Variants in PCDHGA2 observed in about 807,000 individuals in gnomAD.
The protein encoded by PCDHGA2 is protocadherin gamma-A2.
A neutral mutation model predicts 59.2 loss-of-function variants in PCDHGA2; 40 were observed. That is an observed-to-expected ratio of 0.68 (90% CI 0.52 to 0.88). PCDHGA2 has a LOEUF of 0.88. Ranked by LOEUF, PCDHGA2 falls within the 40% of genes least tolerant of loss-of-function variation. The probability of loss-of-function intolerance (pLI) is 0.00; values close to 1 mark genes in which losing one functional copy is unlikely to be tolerated. For synonymous variants in PCDHGA2, 560 were observed against 526.0 expected (o/e 1.06, Z -0.89); for missense variants, 1,226 against 1,204.0 (o/e 1.02, Z -0.27).
intron 1 of PCDHGA2, among the ~76,000 whole-genome samples, chr5:141,462,203 G>A (rs544238255): frequency 2.6e-5 from 4 of 152,036 alleles, no homozygotes; most frequent in East Asian, 1.9e-4. Flanking sequence ...CAGGTGATCC[G>A]CCTGCCTCGG....
intron 1 of PCDHGA2, chr5:141,404,780 AAGGCCAGTGAGCC>A: frequency 6.2e-7 from 1 of 1,612,764 alleles, no homozygotes; most frequent in Non-Finnish European, 8.5e-7. Context: ...CCGCCTATTC[AAGGCCAGTGAGCC>A]AGGGCTCTTC....
chr5:141,449,584 G>C (rs2098645697), intron 1 of PCDHGA2, among the ~76,000 whole-genome samples: 1 of 123,190 alleles, frequency 8.1e-6, no homozygotes, highest in South Asian at 2.5e-4. Context: ...GCAAGACTCT[G>C]TCTCAAAAAA....
At position 141,512,116 on chromosome 5, in the gene PCDHGA2, T is replaced by TTA. The variant is rs2099884085; in HGVS notation, c.*943_*944insTA. On this transcript the variant is annotated 3_prime_UTR_variant, in exon 4 of 4. Coordinates refer to ENST00000394576, the MANE Select transcript of PCDHGA2 (RefSeq NM_018915.4). ...ACTAGGCTGGACCCTTCCCACTACA[T>TTA]AATAGGGCTCAGCCCAGGCAGCCAG... 1 of 152,600 alleles carries TTA rather than the reference T, an allele frequency of 6.6e-6. No homozygotes were observed. The highest frequency in any genetic ancestry group is 2.1e-4 in the South Asian group (1 of 4,832). 9.5% of individuals were successfully genotyped at this position (152,600 alleles called of 1,614,324 possible).
intron 1 of PCDHGA2, among the ~76,000 whole-genome samples, chr5:141,492,798 C>T (rs1219815576): frequency 6.6e-6 from 1 of 152,250 alleles, no homozygotes; most frequent in Non-Finnish European, 1.5e-5. Flanking sequence ...GACAGCAGGA[C>T]TGGGACTCCA....
At chr5:141,362,734 T>C (rs955970127) in intron 1 of PCDHGA2, 2 of 766,658 alleles carry the variant, frequency 2.6e-6, no homozygotes, top group Non-Finnish European at 4.1e-6. Flanking sequence ...TGAGATTTAT[T>C]TACCCATGAT....
chr5:141,402,746 T>C (rs956909207), intron 1 of PCDHGA2, among the ~76,000 whole-genome samples: 2 of 152,224 alleles, frequency 1.3e-5, no homozygotes, highest in African/African-American at 4.8e-5. Context: ...TGATCAACTC[T>C]AAGCGAAAAT....
At chr5:141,399,315 T>C in intron 1 of PCDHGA2, 2 of 1,613,878 alleles carry the variant, frequency 1.2e-6, no homozygotes, top group Non-Finnish European at 8.5e-7. Flanking sequence ...CATCCAAAAA[T>C]TCGTATAAGT....
chr5:141,405,333 CTGTT>C (rs1203111813), intron 1 of PCDHGA2: 18 of 1,614,204 alleles, frequency 1.1e-5, no homozygotes, highest in Non-Finnish European at 1.4e-5. Flanking sequence ...TTGTGCGTCT[CTGTT>C]GATTCCAAGT....
intron 1 of PCDHGA2, chr5:141,351,757 C>T (rs1758808833): frequency 2.5e-6 from 4 of 1,613,638 alleles, no homozygotes; most frequent in East Asian, 2.2e-5. Context: ...AGCTGTTGTC[C>T]TACGTGTCCG....
Position 141,417,750 on chromosome 5 carries a change from G to A in PCDHGA2, c.2424+76355G>A, listed in dbSNP as rs1430413607. The A allele has an allele frequency of 1.5e-5, 22 of 1,426,796 alleles. 1 individual carries two copies. In the East Asian group the frequency reaches 5.5e-4, roughly 36 times the overall value. The allele number at this position is 1,426,796 out of a possible 1,614,324, so 88.4% of individuals were successfully genotyped here. On this transcript the variant is annotated intron_variant, in intron 1 of 3. Coordinates refer to ENST00000394576, the MANE Select transcript of PCDHGA2 (RefSeq NM_018915.4). ...CCTTGCCCAGCACACCAGATTGCCA[G>A]CTCCGAGACCCGGGACTCCTCCTGT...
At chr5:141,442,089 C>A in intron 1 of PCDHGA2, 1 of 170,684 alleles carries the variant, frequency 5.9e-6, no homozygotes, top group South Asian at 1.1e-4. Context: ...CTCGCTACCG[C>A]CACGTCACCA....
chr5:141,421,665 C>T, intron 1 of PCDHGA2: 1 of 1,613,854 alleles, frequency 6.2e-7, no homozygotes, highest in African/African-American at 1.3e-5. Context: ...TCAGTGAGCA[C>T]GCAATTCCTG....
chr5:141,460,792 A>T (rs1028557260), intron 1 of PCDHGA2, among the ~76,000 whole-genome samples: 30 of 152,012 alleles, frequency 2.0e-4, no homozygotes, highest in Non-Finnish European at 2.9e-5. Context: ...ATATACACAC[A>T]AAGTATATAT....
chr5:141,363,785 C>G (rs1268075171), intron 1 of PCDHGA2, among the ~76,000 whole-genome samples: 1 of 152,020 alleles, frequency 6.6e-6, no homozygotes, highest in Non-Finnish European at 1.5e-5. Context: ...CTAAATTTAT[C>G]CTAATAAGGA....
At chr5:141,450,355 C>T (rs943649682) in intron 1 of PCDHGA2, among the ~76,000 whole-genome samples, 2 of 152,090 alleles carry the variant, frequency 1.3e-5, no homozygotes, top group Non-Finnish European at 2.9e-5. Context: ...TGAAACAGTT[C>T]CTCAGCCTTG....
Position 141,476,908 on chromosome 5 carries a change from A to T in PCDHGA2, c.2425-17899A>T. ...ATGCACCCTCCGGCACGCGCGTGGT[A>T]CAAGTCCTTGCAACGGATCTGGATG... is the stretch of plus-strand genomic sequence containing the variant. On this transcript the variant is annotated intron_variant, in intron 1 of 3. Coordinates refer to ENST00000394576, the MANE Select transcript of PCDHGA2 (RefSeq NM_018915.4). This position sits in a 1 kb window ranked among gnomAD's most constrained non-coding sequence, Gnocchi z 7.6. The T allele has an allele frequency of 1.2e-6, 2 of 1,614,050 alleles. No individual in the cohort carries two copies. The highest frequency in any genetic ancestry group is 1.7e-6 in the Non-Finnish European group (2 of 1,180,038).
At position 141,355,420 on chromosome 5, in the gene PCDHGA2, C is replaced by CT. The variant is rs35876439; in HGVS notation, c.2424+14029dup. On this transcript the variant is annotated intron_variant, in intron 1 of 3. Coordinates refer to ENST00000394576, the MANE Select transcript of PCDHGA2 (RefSeq NM_018915.4). ...CATCGTCTCCAGAGGTAGGACGCAG[C>CT]TTTTCGCCCTGAACCCGCGCAGCGG... is the stretch of plus-strand genomic sequence containing the variant. The CT allele has an allele frequency of 1.4e-5, 22 of 1,614,124 alleles. No individual in the cohort carries two copies. In the South Asian group the frequency reaches 2.4e-4, roughly 18 times the overall value.
intron 1 of PCDHGA2, chr5:141,399,759 G>A: frequency 1.2e-6 from 2 of 1,613,348 alleles, no homozygotes; most frequent in Non-Finnish European, 1.7e-6. Flanking sequence ...ACGTGAGCCT[G>A]CGCGTGTTGG....
chr5:141,413,711 A>G (rs752076648), intron 1 of PCDHGA2: 199 of 1,613,564 alleles, frequency 1.2e-4, no homozygotes, highest in Non-Finnish European at 1.4e-4. Context: ...CTCAGCCCCA[A>G]TAAGCACTTC....
Sources: gnomAD v4.1 joint callset for allele counts (sites outside exome capture counted in the v4.1 genomes callset) on GRCh38, gnomAD v4.1.1 for gene constraint, Gnocchi (gnomAD v3.1) non-coding constraint, MANE v1.5 for transcripts, NCBI Gene and HGNC (gene_info 2026-07-23, HGNC 2026-07-21) for gene names.